The following EIF5A2 variants were observed in gnomAD, a reference collection of about 807,000 sequenced individuals.
EIF5A2 encodes the protein eukaryotic translation initiation factor 5A2.
Under a neutral mutation model 16.4 loss-of-function variants are expected in EIF5A2, and 15 were observed. The ratio of observed to expected loss-of-function variants is 0.92; its 90% confidence interval spans 0.61 to 1.41. The LOEUF (loss-of-function observed/expected upper bound fraction) is 1.41, where lower values mean the gene tolerates loss of function less well. Among genes scored for constraint, EIF5A2 ranks in the 40% most tolerant of loss-of-function variants. The probability of loss-of-function intolerance (pLI) is 0.00; values close to 1 mark genes in which losing one functional copy is unlikely to be tolerated. For missense variants in EIF5A2, 144 were observed against 189.5 expected (o/e 0.76, Z 1.41); for synonymous variants, 48 against 61.1 (o/e 0.79, Z 1.00).
chr3:170,899,400 TTTTTTTA>T (rs1173157263), intron 3 of EIF5A2, among the ~76,000 whole-genome samples: 1 of 151,988 alleles, frequency 6.6e-6, no homozygotes, highest in East Asian at 1.9e-4. Context: ...CTGTTGGGAT[TTTTTTTA>T]TTTTTTATTT....
At chr3:170,903,998 G>A (rs1712873590) in intron 3 of EIF5A2, among the ~76,000 whole-genome samples, 1 of 152,202 alleles carries the variant, frequency 6.6e-6, no homozygotes, top group Non-Finnish European at 1.5e-5. Flanking sequence ...CATTTAACTT[G>A]TGGTGAAGTT....
Position 170,890,090 on chromosome 3 carries a change from T to C in EIF5A2, c.*3270A>G, listed in dbSNP as rs1473917063. On this transcript the variant is annotated 3_prime_UTR_variant, in exon 5 of 5. Transcript: ENST00000295822. ...TTAGCACAAATAGCCCTGAGAACAA[T>C]GCATTCAAATTACAGCTCAACTAGA... 2.6e-5 allele frequency: 4 copies of C among 152,320 alleles called. No homozygotes were observed. The highest frequency in any genetic ancestry group is 5.9e-5 in the Non-Finnish European group (4 of 67,918). The allele number at this position is 152,320 out of a possible 1,614,324, so 9.4% of individuals were successfully genotyped here.
In EIF5A2 at chr3:170,889,871, A is replaced by T. The variant is rs566689928; in HGVS notation, c.*3489T>A. Reference sequence around the variant, plus strand: ...GATGAGACTGCCAAAATCTATTCTAAAATGAAAAAAATATGGCAAGATTCC... The same window carrying T: ...GATGAGACTGCCAAAATCTATTCTATAATGAAAAAAATATGGCAAGATTCC... On this transcript the variant is annotated 3_prime_UTR_variant, in exon 5 of 5. Transcript: ENST00000295822. 1.8e-3 allele frequency: 271 copies of T among 152,650 alleles called. No individual in the cohort carries two copies. The highest frequency in any genetic ancestry group is 3.3e-3 in the Non-Finnish European group (222 of 67,948). The allele number at this position is 152,650 out of a possible 1,614,324, so 9.5% of individuals were successfully genotyped here. A position where few individuals can be genotyped will look rare whatever the true frequency, so the allele number is the denominator to read the frequency against.
Position 170,889,568 on chromosome 3 carries a change from G to C in EIF5A2, c.*3792C>G, listed in dbSNP as rs1009505453. The C allele has an allele frequency of 2.0e-5, 3 of 152,418 alleles. No homozygotes were observed. Among genetic ancestry groups the C allele is most frequent in the African/African-American group, 7.2e-5 (3 of 41,404 alleles). The allele number at this position is 152,418 out of a possible 1,614,324, so 9.4% of individuals were successfully genotyped here. A position where few individuals can be genotyped will look rare whatever the true frequency, so the allele number is the denominator to read the frequency against. On this transcript the variant is annotated 3_prime_UTR_variant, in exon 5 of 5. Transcript: ENST00000295822. ...ATGCCTAACTGATGTTAAAATGAGA[G>C]CTGCTGATCAGTACAATATACTGTT...
At position 170,889,357 on chromosome 3, in the gene EIF5A2, A is replaced by G. The variant is rs369499209; in HGVS notation, c.*4003T>C. On this transcript the variant is annotated 3_prime_UTR_variant, in exon 5 of 5. Transcript: ENST00000295822. ...ATCTGTGTTTCATAAGCTAAATCCA[A>G]ATGTTCCCTGCTAAAATCAAATAAT... 6.6e-6 allele frequency: 1 copy of G among 152,504 alleles called. No individual in the cohort carries two copies. The highest frequency in any genetic ancestry group is 1.5e-5 in the Non-Finnish European group (1 of 67,966). 9.4% of individuals were successfully genotyped at this position (152,504 alleles called of 1,614,324 possible). A position where few individuals can be genotyped will look rare whatever the true frequency, so the allele number is the denominator to read the frequency against.
intron 3 of EIF5A2, among the ~76,000 whole-genome samples, chr3:170,899,632 T>C (rs949359141): frequency 6.6e-6 from 1 of 152,022 alleles, no homozygotes; most frequent in African/African-American, 2.4e-5. Flanking sequence ...TTTGTCCCAT[T>C]ACAAGTGATG....
intron 3 of EIF5A2, among the ~76,000 whole-genome samples, chr3:170,898,038 G>T (rs952342388): frequency 6.6e-6 from 1 of 152,288 alleles, no homozygotes; most frequent in Non-Finnish European, 1.5e-5. Flanking sequence ...GCTAGGTTTC[G>T]GACTTGTATG....
chr3:170,907,210 G>C, intron 2 of EIF5A2, 117 bp from the exon 3 acceptor site: 1 of 615,398 alleles, frequency 1.6e-6, no homozygotes, highest in Middle Eastern at 2.6e-4. Flanking sequence ...TCCTTCCAAG[G>C]TCATCTAATT....
chr3:170,906,942 T>C lies in EIF5A2; in HGVS notation c.270+47A>G, dbSNP rs199935936. ...ATTATTACTGATAGTACAAAGTATT[T>C]GCACCTTGAAGAAACAAGCAACATT... On this transcript the variant is annotated intron_variant, in intron 3 of 4. Transcript: ENST00000295822. 184 of 1,336,594 alleles carry C rather than the reference T, an allele frequency of 1.4e-4. No homozygotes were observed. The African/African-American group carries it at 2.4e-3, about 18-fold the overall frequency. The allele number at this position is 1,336,594 out of a possible 1,614,324, so 82.8% of individuals were successfully genotyped here. A position where few individuals can be genotyped will look rare whatever the true frequency, so the allele number is the denominator to read the frequency against.
chr3:170,904,902 G>GT (rs1712899762), intron 3 of EIF5A2, among the ~76,000 whole-genome samples: 1 of 152,170 alleles, frequency 6.6e-6, no homozygotes, highest in Non-Finnish European at 1.5e-5. Context: ...AGAAATGGAA[G>GT]CAAAACAGGT....
chr3:170,893,640 T>A (rs1200070746), intron 4 of EIF5A2, among the ~76,000 whole-genome samples: 5 of 152,206 alleles, frequency 3.3e-5, no homozygotes, highest in Middle Eastern at 3.2e-3. Flanking sequence ...ACTATAAATG[T>A]TTGAACACTT....
At chr3:170,893,987 C>T (rs751571663) in intron 4 of EIF5A2, among the ~76,000 whole-genome samples, 6 of 151,396 alleles carry the variant, frequency 4.0e-5, no homozygotes, top group Admixed American at 6.6e-5. Context: ...GCCGAGATCA[C>T]GCCACTGCAC....
chr3:170,892,588 AAAC>A lies in EIF5A2; in HGVS notation c.*769_*771del. On this transcript the variant is annotated 3_prime_UTR_variant, in exon 5 of 5. Coordinates refer to ENST00000295822, the MANE Select transcript of EIF5A2 (RefSeq NM_020390.6). ...AAAGTTAAAAGCAAAAACAACTGAG[AAAC>A]AACTTTTCATTTTTATGCTGACTTA... 1 of 395,780 alleles carries A rather than the reference AAAC, an allele frequency of 2.5e-6. No homozygotes were observed. 24.5% of individuals were successfully genotyped at this position (395,780 alleles called of 1,614,324 possible).
At chr3:170,905,251 T>C (rs1712908148) in intron 3 of EIF5A2, among the ~76,000 whole-genome samples, 1 of 152,248 alleles carries the variant, frequency 6.6e-6, no homozygotes, top group African/African-American at 2.4e-5. Flanking sequence ...TTGTTACTAG[T>C]TCTGTCTTTA....
intron 3 of EIF5A2, among the ~76,000 whole-genome samples, chr3:170,905,509 C>T (rs1712915423): frequency 6.6e-6 from 1 of 152,198 alleles, no homozygotes; most frequent in South Asian, 2.1e-4. Flanking sequence ...AGCTTTCATA[C>T]TTTAAGACGA....
At chr3:170,905,858 G>A (rs1298145040) in intron 3 of EIF5A2, among the ~76,000 whole-genome samples, 1 of 151,950 alleles carries the variant, frequency 6.6e-6, no homozygotes, top group East Asian at 1.9e-4. Flanking sequence ...ACTAGAAAGT[G>A]ACAGAACTAG....
Position 170,899,923 on chromosome 3 carries a change from G to A in EIF5A2, c.271-5500C>T, listed in dbSNP as rs1042684596. Among the ~76,000 whole-genome samples the A allele has an allele frequency of 2.7e-5, 4 of 150,702 alleles. No homozygotes were observed. The Admixed American group carries it at 2.7e-4, about 10-fold the overall frequency. On this transcript the variant is annotated intron_variant, in intron 3 of 4. Coordinates refer to ENST00000295822, the MANE Select transcript of EIF5A2 (RefSeq NM_020390.6). ...CCTACTGATTTGATCACTTTTAGAT[G>A]TTTTTGAACATTTTTTTTTTTGGTA...
chr3:170,893,422 A>C lies in EIF5A2; in HGVS notation c.403-3T>G. On this transcript the variant is annotated splice_region_variant and splice_polypyrimidine_tract_variant and intron_variant, in intron 4 of 4. Transcript: ENST00000295822. ...CTCATTGCACACATGACAGACACCT[A>C]GAAGGAAAAAAGCAGGCAAAACGTT... The C allele has an allele frequency of 1.2e-6, 2 of 1,613,844 alleles. No homozygotes were observed. The highest frequency in any genetic ancestry group is 1.7e-6 in the Non-Finnish European group (2 of 1,179,964).
chr3:170,893,901 C>T (rs1046557999), intron 4 of EIF5A2, among the ~76,000 whole-genome samples: 4 of 152,056 alleles, frequency 2.6e-5, no homozygotes, highest in African/African-American at 9.7e-5. Context: ...GATGTGGTGG[C>T]ACGCGCCTGC....
Sources: allele counts gnomAD v4.1 joint callset (sites outside exome capture counted in the v4.1 genomes callset), GRCh38; gene constraint gnomAD v4.1.1; transcripts MANE v1.5; gene names NCBI Gene and HGNC (gene_info 2026-07-23, HGNC 2026-07-21).